Variants in CHCHD6 observed in about 807,000 individuals in gnomAD.
CHCHD6 encodes coiled-coil-helix-coiled-coil-helix domain containing 6.
CHCHD6 carries 28 observed loss-of-function variants against 32.3 expected under a neutral mutation model. The ratio of observed to expected loss-of-function variants is 0.87; its 90% CI spans 0.64 to 1.19. The LOEUF (loss-of-function observed/expected upper bound fraction) is 1.19, where lower values mean the gene tolerates loss of function less well. CHCHD6 is among the 50% of genes most tolerant of loss of function. CHCHD6 has a pLI of 0.00. For missense variants in CHCHD6, 333 were observed against 307.0 expected, an observed-to-expected ratio of 1.08 and a Z score of -0.63; for synonymous variants, 122 against 117.5, an observed-to-expected ratio of 1.04 and a Z score of -0.25.
intron 4 of CHCHD6, chr3:126,767,091 G>C: frequency 7.9e-7 from 1 of 1,264,624 alleles, no homozygotes; most frequent in Non-Finnish European, 1.2e-6. Context: ...CGCCGTGCCC[G>C]GGCGATGAAC....
chr3:126,833,495 G>A (rs1576470461), intron 4 of CHCHD6, among the ~76,000 whole-genome samples: 1 of 152,214 alleles, frequency 6.6e-6, no homozygotes, highest in Admixed American at 6.5e-5. Flanking sequence ...TGCTTTGCAC[G>A]CGATATGTCT....
chr3:126,933,966 G>A (rs1005572562), intron 6 of CHCHD6, among the ~76,000 whole-genome samples: 1 of 152,116 alleles, frequency 6.6e-6, no homozygotes, highest in Non-Finnish European at 1.5e-5. Flanking sequence ...CACTCGCTCT[G>A]CCTATAACCA....
At chr3:126,706,326 C>T (rs1278343310) in intron 1 of CHCHD6, among the ~76,000 whole-genome samples, 1 of 152,180 alleles carries the variant, frequency 6.6e-6, no homozygotes, top group African/African-American at 2.4e-5. Context: ...GAGAATTGAG[C>T]TTAAAGGAGT....
intron 4 of CHCHD6, among the ~76,000 whole-genome samples, chr3:126,780,068 G>T (rs548271541): frequency 1.3e-5 from 2 of 152,154 alleles, no homozygotes; most frequent in African/African-American, 4.8e-5. Flanking sequence ...TAAGCAAATC[G>T]TATAGTGATT....
At chr3:126,803,570 C>T (rs9848921) in intron 4 of CHCHD6, among the ~76,000 whole-genome samples, 2 of 152,274 alleles carry the variant, frequency 1.3e-5, no homozygotes, top group East Asian at 1.9e-4. Flanking sequence ...TAAAGCAAGT[C>T]CTGAGTGACC....
intron 4 of CHCHD6, among the ~76,000 whole-genome samples, chr3:126,822,305 T>A (rs1940185527): frequency 6.6e-6 from 1 of 152,238 alleles, no homozygotes; most frequent in Non-Finnish European, 1.5e-5. Flanking sequence ...TAGCATCATC[T>A]GTTGAAAAGA....
At chr3:126,849,955 G>C (rs1236036876) in intron 4 of CHCHD6, among the ~76,000 whole-genome samples, 1 of 152,246 alleles carries the variant, frequency 6.6e-6, no homozygotes, top group African/African-American at 2.4e-5. Flanking sequence ...AGACTGCGGG[G>C]CAACTGTGTG....
intron 1 of CHCHD6, among the ~76,000 whole-genome samples, chr3:126,723,337 T>A (rs183376895): frequency 3.9e-5 from 6 of 152,294 alleles, no homozygotes; most frequent in Admixed American, 3.9e-4. Flanking sequence ...CAGCTGCTCC[T>A]GTCCCCACTT....
At chr3:126,859,024 C>T (rs1319738774) in intron 5 of CHCHD6, among the ~76,000 whole-genome samples, 1 of 152,252 alleles carries the variant, frequency 6.6e-6, no homozygotes, top group African/African-American at 2.4e-5. Context: ...TGGCTGTCTG[C>T]TCTGCATCTG....
At chr3:126,713,464 G>A (rs114719961) in intron 1 of CHCHD6, among the ~76,000 whole-genome samples, 29 of 152,192 alleles carry the variant, frequency 1.9e-4, no homozygotes, top group African/African-American at 6.5e-4. Context: ...CCTTCACTGC[G>A]CCTCCCTGCA....
chr3:126,918,166 A>G (rs1459507582), intron 6 of CHCHD6, among the ~76,000 whole-genome samples: 2 of 152,226 alleles, frequency 1.3e-5, no homozygotes, highest in African/African-American at 4.8e-5. Flanking sequence ...AAACATCTAG[A>G]GAAATCTTTG....
At chr3:126,743,009 C>T (rs1576362403) in intron 4 of CHCHD6, among the ~76,000 whole-genome samples, 1 of 152,068 alleles carries the variant, frequency 6.6e-6, no homozygotes, top group Middle Eastern at 3.4e-3. Context: ...TGGAGAGGTG[C>T]CTGGGGGAGG....
At chr3:126,841,622 T>G (rs959268451) in intron 4 of CHCHD6, among the ~76,000 whole-genome samples, 1 of 152,120 alleles carries the variant, frequency 6.6e-6, no homozygotes, top group African/African-American at 2.4e-5. Context: ...TAACATTACC[T>G]AGGCTGGGCG....
chr3:126,898,284 C>G (rs957978467), intron 5 of CHCHD6, among the ~76,000 whole-genome samples: 5 of 152,210 alleles, frequency 3.3e-5, no homozygotes, highest in African/African-American at 1.2e-4. Flanking sequence ...ATTTGCTTGC[C>G]CCTCTGGGCT....
chr3:126,831,470 C>T (rs376954419), intron 4 of CHCHD6, among the ~76,000 whole-genome samples: 4 of 152,162 alleles, frequency 2.6e-5, no homozygotes, highest in African/African-American at 9.7e-5. Flanking sequence ...TCTCTCTCCT[C>T]GATGTAAGTG....
At chr3:126,796,567 C>A (rs1938800781) in intron 4 of CHCHD6, among the ~76,000 whole-genome samples, 1 of 152,104 alleles carries the variant, frequency 6.6e-6, no homozygotes, top group Non-Finnish European at 1.5e-5. Flanking sequence ...TCATCCTCGT[C>A]CACACCATGG....
intron 1 of CHCHD6, among the ~76,000 whole-genome samples, chr3:126,711,484 AC>A (rs1934746632): frequency 6.6e-6 from 1 of 151,862 alleles, no homozygotes; most frequent in African/African-American, 2.4e-5. Context: ...TGGATGTTAA[AC>A]TCTGTGCTTG....
At chr3:126,782,454 C>T (rs1376274582) in intron 4 of CHCHD6, among the ~76,000 whole-genome samples, 5 of 152,204 alleles carry the variant, frequency 3.3e-5, no homozygotes, top group African/African-American at 7.2e-5. Context: ...GGAGGCCAGC[C>T]GTTTCTGATT....
chr3:126,780,603 C>T (rs1001324875), intron 4 of CHCHD6, among the ~76,000 whole-genome samples: 4 of 152,206 alleles, frequency 2.6e-5, no homozygotes, highest in African/African-American at 9.6e-5. Context: ...CTTCTTGATT[C>T]TGGCTTGCCT....
Sources: allele counts gnomAD v4.1 joint callset (sites outside exome capture counted in the v4.1 genomes callset), GRCh38; gene constraint gnomAD v4.1.1; transcripts MANE v1.5; gene names NCBI Gene and HGNC (gene_info 2026-07-23, HGNC 2026-07-21).